The following SIGLEC14 variants were observed in gnomAD, a reference collection of about 807,000 sequenced individuals.
The protein encoded by SIGLEC14 is sialic acid-binding Ig-like lectin 14.
Under a neutral mutation model 34.2 loss-of-function variants are expected in SIGLEC14, and 11 were observed. That is an observed-to-expected ratio of 0.32 (90% CI 0.20 to 0.53). The LOEUF is 0.53. SIGLEC14 is among the 20% of genes least tolerant of loss of function. The probability of loss-of-function intolerance (pLI) is 0.95; values close to 1 mark genes in which losing one functional copy is unlikely to be tolerated. For missense variants in SIGLEC14, 264 were observed against 439.0 expected (o/e 0.60, Z 3.56); for synonymous variants, 99 against 179.7 (o/e 0.55, Z 3.59).
rs753757565 is a variant in SIGLEC14, at chr19:51,643,352, G to T, written c.*3C>A. The T allele has an allele frequency of 4.6e-6, 7 of 1,524,852 alleles. 1 individual carries two copies. The highest frequency in any genetic ancestry group is 6.1e-6 in the Non-Finnish European group (7 of 1,138,674). The allele number at this position is 1,524,852 out of a possible 1,614,324, so 94.5% of individuals were successfully genotyped here. On this transcript the variant is annotated 3_prime_UTR_variant, in exon 7 of 7. Transcript: ENST00000360844. ...CCTCAGTTCTGTCTTGAGCGGGAGGGGCTCAGCCAGGCCTCTCAGCCCTGC... is the reference window on the plus strand; with the variant it reads ...CCTCAGTTCTGTCTTGAGCGGGAGGTGCTCAGCCAGGCCTCTCAGCCCTGC...
At chr19:51,644,556 G>C (rs1293793302) in intron 4 of SIGLEC14, among the ~76,000 whole-genome samples, 2 of 137,774 alleles carry the variant, frequency 1.5e-5, no homozygotes, top group Non-Finnish European at 3.1e-5. Context: ...AGGAGGCAGG[G>C]AGGCTGGGAG....
intron 4 of SIGLEC14, 79 bp from the exon 5 acceptor site, chr19:51,644,115 A>C: frequency 7.4e-7 from 1 of 1,359,810 alleles, no homozygotes; most frequent in Non-Finnish European, 9.6e-7. Flanking sequence ...AGCTGCAAGA[A>C]GAAAGACAAG....
At chr19:51,645,042 C>G (rs765277225) in intron 4 of SIGLEC14, among the ~76,000 whole-genome samples, 2 of 133,616 alleles carry the variant, frequency 1.5e-5, no homozygotes, top group Non-Finnish European at 3.1e-5. Context: ...TACTCAAACT[C>G]ACAGAGACAG....
At position 51,644,008 on chromosome 19, in the gene SIGLEC14, C is replaced by T. The variant is rs1983974169; in HGVS notation, c.783G>A (p.Ser261=). 2.6e-6 allele frequency: 4 copies of T among 1,523,910 alleles called. No individual in the cohort carries two copies. The highest frequency in any genetic ancestry group is 1.5e-5 in the African/African-American group (1 of 67,474). 94.4% of individuals were successfully genotyped at this position (1,523,910 alleles called of 1,614,324 possible). Residue 261 remains serine, a synonymous_variant, in exon 5 of 7, where the codon TCG becomes TCA. Transcript: ENST00000360844. ...TALRILSNGM[S]VPIQEGQSLF... ...GGGACTGGCCCTCCTGGATGGGCAC[C>T]GACATGCCATTGCTCAGGATCCGCA... is the stretch of plus-strand genomic sequence containing the variant.
At chr19:51,645,354 G>T in intron 4 of SIGLEC14, 123 bp downstream of exon 4, 5 of 823,386 alleles carry the variant, frequency 6.1e-6, no homozygotes, top group Non-Finnish European at 7.5e-6. Context: ...TTGGGGGGTT[G>T]GGAGCAGGAA....
At position 51,643,888 on chromosome 19, in the gene SIGLEC14, A is replaced by G. The variant is rs1247788604; in HGVS notation, c.903T>C (p.Ser301=). ...CTATGTTAGGCAGCTCCAGGGTCCC[A>G]GACATTGAGGTCTGGGAAGGATTGA... ...KALNPSQTSM[S]GTLELPNIGA... Residue 301 remains serine, a synonymous_variant, in exon 5 of 7, where the codon TCT becomes TCC. Coordinates refer to ENST00000360844, the MANE Select transcript of SIGLEC14 (RefSeq NM_001098612.3). 6 of 1,534,066 alleles carry G rather than the reference A, an allele frequency of 3.9e-6. 1 individual carries two copies. In the African/African-American group the frequency reaches 7.4e-5, roughly 19 times the overall value.
chr19:51,641,136 T>C lies in SIGLEC14; in HGVS notation c.*2219A>G, dbSNP rs1983896180. 7.2e-6 allele frequency among the ~76,000 whole-genome samples: 1 copy of C among 138,392 alleles called. No individual in the cohort carries two copies. Among genetic ancestry groups the C allele is most frequent in the Admixed American group, 7.0e-5 (1 of 14,352 alleles). The allele number at this position is 138,392 out of a possible 152,430, so 90.8% of individuals were successfully genotyped here. ...TTAGGATCAGAGACTTCAACATTCCTCTCTCAGTAATAGACTGAGCTGGTA... is the reference window on the plus strand; with the variant it reads ...TTAGGATCAGAGACTTCAACATTCCCCTCTCAGTAATAGACTGAGCTGGTA... On this transcript the variant is annotated 3_prime_UTR_variant, in exon 7 of 7. Coordinates refer to ENST00000360844, the MANE Select transcript of SIGLEC14 (RefSeq NM_001098612.3).
At position 51,643,328 on chromosome 19, in the gene SIGLEC14, C is replaced by T. The variant is rs543200162; in HGVS notation, c.*27G>A. 2 of 1,520,496 alleles carry T rather than the reference C, an allele frequency of 1.3e-6. No individual in the cohort carries two copies. The highest frequency in any genetic ancestry group is 3.0e-5 in the African/African-American group (2 of 65,830). 94.2% of individuals were successfully genotyped at this position (1,520,496 alleles called of 1,614,324 possible). A position where few individuals can be genotyped will look rare whatever the true frequency, so the allele number is the denominator to read the frequency against. On this transcript the variant is annotated 3_prime_UTR_variant, in exon 7 of 7. Transcript: ENST00000360844. Reference sequence around the variant, plus strand: ...GTCCCACAGGGCTAAGTGTCCACACCTCAGTTCTGTCTTGAGCGGGAGGGG... The same window carrying T: ...GTCCCACAGGGCTAAGTGTCCACACTTCAGTTCTGTCTTGAGCGGGAGGGG...
chr19:51,639,857 T>C lies in SIGLEC14; in HGVS notation c.*3498A>G, dbSNP rs918462810. 1 of 139,530 alleles carries C rather than the reference T, an allele frequency of 7.2e-6. No individual in the cohort carries two copies. Among genetic ancestry groups the C allele is most frequent in the Non-Finnish European group, 1.5e-5 (1 of 65,138 alleles). The allele number at this position is 139,530 out of a possible 1,614,324, so 8.6% of individuals were successfully genotyped here. A position where few individuals can be genotyped will look rare whatever the true frequency, so the allele number is the denominator to read the frequency against. ...AAAGCAAATATTGCACTCTCTTTGC[T>C]ACATGCACTTAGGGAAATTAAAAGA... is the stretch of plus-strand genomic sequence containing the variant. On this transcript the variant is annotated 3_prime_UTR_variant, in exon 7 of 7. Coordinates refer to ENST00000360844, the MANE Select transcript of SIGLEC14 (RefSeq NM_001098612.3).
chr19:51,643,483 G>GGGGGGGGGGGGGGCCCCCCCCCCC, intron 6 of SIGLEC14, 54 bp downstream of exon 6: 8 of 1,297,856 alleles, frequency 6.2e-6, no homozygotes, highest in Non-Finnish European at 7.0e-6. Context: ...GGGCAGGACA[G>GGGGGGGGGGGGGGCCCCCCCCCCC]CTCAGCCCCA....
Position 51,643,179 on chromosome 19 carries a change from G to A in SIGLEC14, c.*176C>T, listed in dbSNP as rs545151755. The A allele has an allele frequency of 1.7e-6, 1 of 604,132 alleles. No individual in the cohort carries two copies. Among genetic ancestry groups the A allele is most frequent in the East Asian group, 6.2e-5 (1 of 16,016 alleles). The allele number at this position is 604,132 out of a possible 1,614,324, so 37.4% of individuals were successfully genotyped here. A position where few individuals can be genotyped will look rare whatever the true frequency, so the allele number is the denominator to read the frequency against. The stretch of plus-strand genomic sequence containing the variant: ...ATGGGGTGCAGATGGGGATGCAGGT[G>A]TGGTGGGGCAAGACTCACAAGCAGA... On this transcript the variant is annotated 3_prime_UTR_variant, in exon 7 of 7. Coordinates refer to ENST00000360844, the MANE Select transcript of SIGLEC14 (RefSeq NM_001098612.3).
Position 51,646,637 on chromosome 19 carries a change from G to A in SIGLEC14, c.41C>T (p.Ser14Phe). 2 of 545,896 alleles carry A rather than the reference G, an allele frequency of 3.7e-6. No individual in the cohort carries two copies. Among genetic ancestry groups the A allele is most frequent in the East Asian group, 6.1e-5 (2 of 33,004 alleles). The allele number at this position is 545,896 out of a possible 1,614,324, so 33.8% of individuals were successfully genotyped here. ...LLLLPLLWGG[S>F]LQEKPVYELQ... ...CTCGTACACTGGCTTCTCCTGCAGG[G>A]ACCCTGGGGGGACACAGAAGCTCAG... The change falls in exon 2 of 7, where the codon TCC (serine) becomes TTC (phenylalanine). Residue 14 changes from serine to phenylalanine, a missense_variant. Physicochemically the swap from Ser to Phe is radical, Grantham distance 155. Around this residue, in one of 5 missense-constraint regions of SIGLEC14, gnomAD observed 30 missense variants for 29.7 expected, o/e 1.01. Coordinates refer to ENST00000360844, the MANE Select transcript of SIGLEC14 (RefSeq NM_001098612.3).
rs564145179 is a variant in SIGLEC14, at chr19:51,644,989, G to A, written c.754+488C>T. Among the ~76,000 whole-genome samples, 39 of 137,560 alleles carry A rather than the reference G, an allele frequency of 2.8e-4. 12 individuals carry two copies. Among genetic ancestry groups the A allele is most frequent in the African/African-American group, 9.4e-4 (34 of 36,056 alleles). The allele number at this position is 137,560 out of a possible 152,430, so 90.2% of individuals were successfully genotyped here. On this transcript the variant is annotated intron_variant, in intron 4 of 6. Coordinates refer to ENST00000360844, the MANE Select transcript of SIGLEC14 (RefSeq NM_001098612.3). ...AGCAGGGCATGCATCAGAGGACATCGGAGCAGGCAGAAATTCAAGAAAAGG... is the reference window on the plus strand; with the variant it reads ...AGCAGGGCATGCATCAGAGGACATCAGAGCAGGCAGAAATTCAAGAAAAGG...
chr19:51,646,314 T>C lies in SIGLEC14; in HGVS notation c.364A>G (p.Arg122Gly). The C allele has an allele frequency of 7.5e-7, 1 of 1,325,422 alleles. No individual in the cohort carries two copies. Among genetic ancestry groups the C allele is most frequent in the Non-Finnish European group, 1.0e-6 (1 of 1,001,650 alleles). 82.1% of individuals were successfully genotyped at this position (1,325,422 alleles called of 1,614,324 possible). The stretch of plus-strand genomic sequence containing the variant: ...TAGCTATATTTTACATCCCTTCCTC[T>C]CTCCACGCGGAAGAAATAGCTTCCC... ...DTGSYFFRVERGRDVKYSYQQ... is the reference protein window; with the variant it reads ...DTGSYFFRVEGGRDVKYSYQQ... Residue 122 changes from arginine to glycine, a missense_variant, in exon 2 of 7, where the codon AGA becomes GGA. Around this residue, in one of 5 missense-constraint regions of SIGLEC14, gnomAD observed 31 missense variants for 67.4 expected, o/e 0.46. Transcript: ENST00000360844.
rs1983952556 is a variant in SIGLEC14 at position 51,643,409 on chromosome 19, A to G, written c.1149-12T>C. ...GGGGGCCTCCACACCTGCAGAGCCA[A>G]CATGGGCCTCAGATCAGCACCAGCC... On this transcript the variant is annotated splice_polypyrimidine_tract_variant and intron_variant, in intron 6 of 6. Transcript: ENST00000360844. The G allele has an allele frequency of 2.0e-6, 3 of 1,506,062 alleles. 1 individual carries two copies. Among genetic ancestry groups the G allele is most frequent in the Non-Finnish European group, 2.7e-6 (3 of 1,129,662 alleles). 93.3% of individuals were successfully genotyped at this position (1,506,062 alleles called of 1,614,324 possible). A position where few individuals can be genotyped will look rare whatever the true frequency, so the allele number is the denominator to read the frequency against.
chr19:51,642,039 C>T lies in SIGLEC14; in HGVS notation c.*1316G>A, dbSNP rs1359064153. Among the ~76,000 whole-genome samples the T allele has an allele frequency of 7.2e-6, 1 of 139,414 alleles. No individual in the cohort carries two copies. The highest frequency in any genetic ancestry group is 1.5e-5 in the Non-Finnish European group (1 of 65,048). 91.5% of individuals were successfully genotyped at this position (139,414 alleles called of 152,430 possible). On this transcript the variant is annotated 3_prime_UTR_variant, in exon 7 of 7. Transcript: ENST00000360844. ...AAAAATAAAAAACCAGTAAAATCTGCAATCACTTAGAAATTAAACAACACA... is the reference window on the plus strand; with the variant it reads ...AAAAATAAAAAACCAGTAAAATCTGTAATCACTTAGAAATTAAACAACACA...
In SIGLEC14 at chr19:51,643,294, C is replaced by T; in HGVS notation, c.*61G>A. The T allele has an allele frequency of 7.1e-7, 1 of 1,407,710 alleles. No individual in the cohort carries two copies. The highest frequency in any genetic ancestry group is 9.7e-7 in the Non-Finnish European group (1 of 1,034,998). The allele number at this position is 1,407,710 out of a possible 1,614,324, so 87.2% of individuals were successfully genotyped here. ...TCCAGAAAGAAGCTGACAGTGATGT[C>T]CTGCATGTGTCCCACAGGGCTAAGT... On this transcript the variant is annotated 3_prime_UTR_variant, in exon 7 of 7. Coordinates refer to ENST00000360844, the MANE Select transcript of SIGLEC14 (RefSeq NM_001098612.3).
Position 51,646,043 on chromosome 19 carries a change from C to CG in SIGLEC14, c.438dup (p.Asp147ArgfsTer25). The CG allele has an allele frequency of 8.4e-7, 1 of 1,195,190 alleles. No individual in the cohort carries two copies. Among genetic ancestry groups the CG allele is most frequent in the Non-Finnish European group, 1.1e-6 (1 of 882,892 alleles). 74.0% of individuals were successfully genotyped at this position (1,195,190 alleles called of 1,614,324 possible). ...TCCAGAGGCTCCAGAAAGTGGATGT[C>CG]GGGTTTCTCTATCAGGGCTGAGGAG... On this transcript the variant is annotated frameshift_variant, in exon 3 of 7. Transcript: ENST00000360844. LOFTEE classifies it high-confidence loss of function.
At chr19:51,644,808 A>G (rs1983996877) in intron 4 of SIGLEC14, among the ~76,000 whole-genome samples, 1 of 137,382 alleles carries the variant, frequency 7.3e-6, no homozygotes, top group Admixed American at 7.0e-5. Flanking sequence ...TGCCTCAGAG[A>G]AAGGGCTGGA....
Sources: gnomAD v4.1 joint callset for allele counts (sites outside exome capture counted in the v4.1 genomes callset) on GRCh38, gnomAD v4.1.1 for gene constraint, gnomAD v4.1.1 regional missense constraint, MANE v1.5 for transcripts, NCBI Gene and HGNC (gene_info 2026-07-23, HGNC 2026-07-21) for gene names.